Variants in HIP1 observed in about 807,000 individuals in gnomAD.
HIP1 encodes huntingtin interacting protein 1, also known as huntingtin-interacting protein 1.
In HIP1, 65 loss-of-function variants were observed where a neutral mutation model predicts 147.6. That is an observed-to-expected ratio of 0.44 (90% CI 0.36 to 0.54). The LOEUF (loss-of-function observed/expected upper bound fraction) is 0.54. HIP1 is among the 20% of genes least tolerant of loss of function. HIP1 has a pLI of 0.00. For synonymous variants in HIP1, 479 were observed against 504.0 expected (o/e 0.95, Z 0.67); for missense variants, 1,061 against 1,299.6 (o/e 0.82, Z 2.82).
At chr7:75,563,327 G>T in intron 9 of HIP1, 64 bp from the exon 10 acceptor site, 1 of 1,489,028 alleles carries the variant, frequency 6.7e-7, no homozygotes, top group Non-Finnish European at 9.4e-7. Context: ...AGGGGACAGA[G>T]CAGCCACCTG....
At chr7:75,716,883 T>C (rs1474486168) in intron 1 of HIP1, among the ~76,000 whole-genome samples, 1 of 151,424 alleles carries the variant, frequency 6.6e-6, no homozygotes, top group African/African-American at 2.4e-5. Context: ...GGTGTGACCA[T>C]AGCTCACTGG....
intron 1 of HIP1, among the ~76,000 whole-genome samples, chr7:75,700,556 C>A (rs797025569): frequency 6.6e-6 from 1 of 152,158 alleles, no homozygotes; most frequent in African/African-American, 2.4e-5. Context: ...TACAGTGAGT[C>A]CTGAAAAACA....
At chr7:75,556,299 T>G in intron 17 of HIP1, 130 bp from the exon 18 acceptor site, 3 of 1,128,318 alleles carry the variant, frequency 2.7e-6, no homozygotes, top group Non-Finnish European at 3.8e-6. Flanking sequence ...GCCACTCTGA[T>G]TCCCTCCCGG....
Position 75,563,125 on chromosome 7 carries a change from C to T in HIP1, c.880-50G>A, listed in dbSNP as rs375085463. The T allele has an allele frequency of 3.8e-4, 611 of 1,613,806 alleles. 1 individual carries two copies. The highest frequency in any genetic ancestry group is 3.0e-4 in the Non-Finnish European group (353 of 1,179,798). ...ATAGTGCTTGCTTGCCAGGCCCCGC[C>T]GGCCCTTAAGAGAGTACCTGGGGCC... On this transcript the variant is annotated intron_variant, in intron 10 of 30. Transcript: ENST00000336926.
rs1794331119 is a variant in HIP1 at position 75,541,784 on chromosome 7, G to C, written c.2952+135C>G. The C allele has an allele frequency of 2.8e-5, 17 of 616,710 alleles. No homozygotes were observed. The South Asian group carries it at 3.5e-4, about 13-fold the overall frequency. The allele number at this position is 616,710 out of a possible 1,614,324, so 38.2% of individuals were successfully genotyped here. On this transcript the variant is annotated intron_variant, in intron 29 of 30. Transcript: ENST00000336926. ...TTCTCTACCTCCACTGTTTCTTCCGGCAAGATTTACATTCAGTCTTGGGTT... is the reference window on the plus strand; with the variant it reads ...TTCTCTACCTCCACTGTTTCTTCCGCCAAGATTTACATTCAGTCTTGGGTT...
chr7:75,737,203 G>A (rs1481379343), intron 1 of HIP1, among the ~76,000 whole-genome samples: 2 of 152,150 alleles, frequency 1.3e-5, no homozygotes, highest in African/African-American at 2.4e-5. Flanking sequence ...GGGGATTACA[G>A]GTGTGAGCTA....
intron 1 of HIP1, among the ~76,000 whole-genome samples, chr7:75,723,231 G>C (rs573575602): frequency 1.2e-4 from 19 of 152,196 alleles, no homozygotes; most frequent in Admixed American, 1.0e-3. Context: ...AATTAGCTGG[G>C]TGTGGTGGTG....
Position 75,589,162 on chromosome 7 carries a change from A to AAAG in HIP1, c.385-2332_385-2330dup, listed in dbSNP as rs587697627. Among the ~76,000 whole-genome samples the AAAG allele has an allele frequency of 1.0e-3, 155 of 151,800 alleles. 3 individuals are homozygous for AAAG. Among genetic ancestry groups the AAAG allele is most frequent in the South Asian group, 5.4e-3 (26 of 4,814 alleles). ...CAAAACTCTGTCTTAAAAAAAAAAAAAAGAAGAAGAAGAAGAAGAAAAGAA... is the reference window on the plus strand; with the variant it reads ...CAAAACTCTGTCTTAAAAAAAAAAAAAAGAAGAAGAAGAAGAAGAAGAAAAGAA... On this transcript the variant is annotated intron_variant, in intron 4 of 30. Transcript: ENST00000336926.
chr7:75,661,042 G>A (rs1799296736), intron 1 of HIP1, among the ~76,000 whole-genome samples: 1 of 152,074 alleles, frequency 6.6e-6, no homozygotes, highest in Non-Finnish European at 1.5e-5. Context: ...ACTTTGGAAG[G>A]CCGAGGCGGG....
intron 1 of HIP1, among the ~76,000 whole-genome samples, chr7:75,736,152 A>G: frequency 2.8e-5 from 1 of 35,520 alleles, no homozygotes; most frequent in Non-Finnish European, 6.8e-5. Context: ...CACCCACCCC[A>G]CCCAGGTCAA....
At chr7:75,629,047 C>T (rs1413225373) in intron 1 of HIP1, among the ~76,000 whole-genome samples, 1 of 152,110 alleles carries the variant, frequency 6.6e-6, no homozygotes, top group Non-Finnish European at 1.5e-5. Context: ...GAGAAAAATC[C>T]AGCAAGAAAA....
intron 7 of HIP1, among the ~76,000 whole-genome samples, chr7:75,574,917 T>G (rs1312948845): frequency 1.3e-5 from 2 of 152,150 alleles, no homozygotes; most frequent in Non-Finnish European, 2.9e-5. Flanking sequence ...CCCAGCACTT[T>G]GTGAGGCCGA....
intron 1 of HIP1, among the ~76,000 whole-genome samples, chr7:75,664,046 A>G (rs1248776265): frequency 4.9e-5 from 4 of 80,932 alleles, no homozygotes; most frequent in African/African-American, 1.8e-4. Context: ...ATACACATAT[A>G]TGTGTATATA....
intron 4 of HIP1, among the ~76,000 whole-genome samples, chr7:75,587,336 C>T (rs1796323586): frequency 6.6e-6 from 1 of 152,236 alleles, no homozygotes. Flanking sequence ...CCCGCCTCTG[C>T]CTCCCAAAGT....
Position 75,535,219 on chromosome 7 carries a change from CT to C in HIP1, c.*2952del. ...AAGTTTTTAAACATTTCTGTGGCTT[CT>C]TTTTAGAGACAGGATCATTCAGATA... is the stretch of plus-strand genomic sequence containing the variant. On this transcript the variant is annotated 3_prime_UTR_variant, in exon 31 of 31. Transcript: ENST00000336926. 4.7e-6 allele frequency: 1 copy of C among 211,620 alleles called. No individual in the cohort carries two copies. The allele number at this position is 211,620 out of a possible 1,614,324, so 13.1% of individuals were successfully genotyped here. A position where few individuals can be genotyped will look rare whatever the true frequency, so the allele number is the denominator to read the frequency against.
At chr7:75,734,748 C>T (rs1263440038) in intron 1 of HIP1, among the ~76,000 whole-genome samples, 4 of 152,132 alleles carry the variant, frequency 2.6e-5, no homozygotes, top group Admixed American at 6.6e-5. Context: ...CCACTGCACC[C>T]GCTGGGAAGT....
At chr7:75,597,190 C>T (rs1231596916) in intron 2 of HIP1, among the ~76,000 whole-genome samples, 6 of 152,166 alleles carry the variant, frequency 3.9e-5, no homozygotes, top group Non-Finnish European at 8.8e-5. Flanking sequence ...GTTCTGCAGC[C>T]GCCATCCTAA....
chr7:75,576,268 T>TGTGCA (rs781822507), intron 7 of HIP1, among the ~76,000 whole-genome samples: 5 of 152,206 alleles, frequency 3.3e-5, no homozygotes, highest in Non-Finnish European at 5.9e-5. Flanking sequence ...TGCATGGAAT[T>TGTGCA]GTGCAGTGGT....
chr7:75,692,830 A>G (rs1800507606), intron 1 of HIP1, among the ~76,000 whole-genome samples: 1 of 152,184 alleles, frequency 6.6e-6, no homozygotes, highest in African/African-American at 2.4e-5. Flanking sequence ...TCTTCTGAAC[A>G]AGAGTTACAC....
Sources: gnomAD v4.1 joint callset for allele counts (sites outside exome capture counted in the v4.1 genomes callset) on GRCh38, gnomAD v4.1.1 for gene constraint, MANE v1.5 for transcripts, NCBI Gene and HGNC (gene_info 2026-07-23, HGNC 2026-07-21) for gene names.